SCNN1B: variants seen among roughly 807,000 people sequenced by gnomAD.
SCNN1B encodes the protein sodium channel epithelial 1 subunit beta, also known as epithelial sodium channel subunit beta.
SCNN1B carries 46 observed loss-of-function variants against 65.3 expected under a neutral mutation model. That is an observed-to-expected ratio of 0.70 (90% CI 0.56 to 0.90). SCNN1B has a LOEUF of 0.90. Among genes scored for constraint, SCNN1B ranks in the 40% least tolerant of loss-of-function variants. The probability of loss-of-function intolerance (pLI) is 0.00; values close to 1 mark genes in which losing one functional copy is unlikely to be tolerated. For missense variants in SCNN1B, 751 were observed against 830.5 expected, an observed-to-expected ratio of 0.90 and a Z score of 1.18; for synonymous variants, 349 against 330.6, an observed-to-expected ratio of 1.06 and a Z score of -0.60.
rs190134211 is a variant in SCNN1B, at chr16:23,338,994, G to A, written c.-8-9598G>A. 4.7e-4 allele frequency among the ~76,000 whole-genome samples: 72 copies of A among 152,226 alleles called. 1 individual carries two copies. Among genetic ancestry groups the A allele is most frequent in the Admixed American group, 4.6e-4 (7 of 15,300 alleles). ...ATTCAAGATCTAGAATATTCTCATC[G>A]TCTCCAAAAGGCTCCCTGTACAACT... On this transcript the variant is annotated intron_variant, in intron 1 of 12. Transcript: ENST00000343070.
chr16:23,278,948 T>C (rs1376634669), intron 1 of SCNN1B, among the ~76,000 whole-genome samples: 1 of 141,666 alleles, frequency 7.1e-6, no homozygotes, highest in Non-Finnish European at 1.5e-5. Flanking sequence ...TCTAAAAAAA[T>C]AAAAAATGAA....
intron 8 of SCNN1B, among the ~76,000 whole-genome samples, chr16:23,376,154 C>G (rs1321149895): frequency 6.6e-6 from 1 of 152,234 alleles, no homozygotes; most frequent in East Asian, 1.9e-4. Context: ...CATGTGCAAC[C>G]CTGGGCATGT....
At chr16:23,280,776 C>A (rs1381852616) in intron 1 of SCNN1B, among the ~76,000 whole-genome samples, 1 of 152,138 alleles carries the variant, frequency 6.6e-6, no homozygotes, top group Non-Finnish European at 1.5e-5. Context: ...CCTCACCAGC[C>A]CCTAGCACAG....
upstream of SCNN1B, among the ~76,000 whole-genome samples, chr16:23,300,327 A>T (rs924253754): frequency 6.6e-6 from 1 of 152,040 alleles, no homozygotes; most frequent in Non-Finnish European, 1.5e-5. Context: ...GTATCCCAGA[A>T]CTTAAAGTAT....
chr16:23,298,189 T>C (rs568861368), upstream of SCNN1B, among the ~76,000 whole-genome samples: 2 of 152,352 alleles, frequency 1.3e-5, no homozygotes, highest in South Asian at 4.1e-4. Context: ...TGAATTCATC[T>C]GACTGTGCCA....
chr16:23,371,838 C>T lies in SCNN1B; in HGVS notation c.1107C>T (p.Pro369=), dbSNP rs761974708. The change falls in exon 7 of 13, where the codon CCC becomes CCT. Residue 369 remains proline (P), a synonymous_variant. Transcript: ENST00000343070. ...SPCTVNGSEV[P]VQNFYSDYNT... ...GCACCGTGAATGGTTCTGAGGTCCC[C>T]GTCCAAAACTTCTACAGTGACTACA... 6.5e-5 allele frequency: 105 copies of T among 1,614,060 alleles called. No homozygotes were observed. The highest frequency in any genetic ancestry group is 8.2e-5 in the Non-Finnish European group (97 of 1,179,996).
At chr16:23,346,656 TTGCAGGCTCCCTCCCCACCCC>T (rs576016331) in intron 1 of SCNN1B, among the ~76,000 whole-genome samples, 8,215 of 143,364 alleles carry the variant, frequency 0.057, 249 homozygotes, top group Middle Eastern at 0.077. Context: ...CTGCTCACCC[TTGCAGGCTCCCTCCCCACCCC>T]TGCAGGCTCC....
intron 4 of SCNN1B, among the ~76,000 whole-genome samples, chr16:23,365,517 GAAAAA>G (rs1342821407): frequency 7.4e-6 from 1 of 134,566 alleles, no homozygotes; most frequent in Non-Finnish European, 1.6e-5. Context: ...AGAAAGAAAA[GAAAAA>G]GAGAGAAAGA....
At chr16:23,310,600 C>T (rs1961320666) in intron 1 of SCNN1B, among the ~76,000 whole-genome samples, 1 of 152,132 alleles carries the variant, frequency 6.6e-6, no homozygotes, top group South Asian at 2.1e-4. Flanking sequence ...TGGCTTGTGC[C>T]TGGGAGTTGG....
At chr16:23,304,517 G>A (rs58237139) in intron 1 of SCNN1B, among the ~76,000 whole-genome samples, 9,140 of 152,224 alleles carry the variant, frequency 0.06, 943 homozygotes, top group African/African-American at 0.21. Flanking sequence ...AGGTTCCATC[G>A]GGGCCACCTC....
Position 23,348,497 on chromosome 16 carries a change from G to T in SCNN1B, c.-8-95G>T, listed in dbSNP as rs1276680065. On this transcript the variant is annotated intron_variant, in intron 1 of 12. Coordinates refer to ENST00000343070, the MANE Select transcript of SCNN1B (RefSeq NM_000336.3). This position sits in a 1 kb window ranked among gnomAD's most constrained non-coding sequence, Gnocchi z 4.5. Reference sequence around the variant, plus strand: ...GAGGGTAAAGAGGGAGGAAGAACGGGGACGTACCGCCGCCCAGTTCCTGGA... The same window carrying T: ...GAGGGTAAAGAGGGAGGAAGAACGGTGACGTACCGCCGCCCAGTTCCTGGA... 1.8e-6 allele frequency: 2 copies of T among 1,136,518 alleles called. No homozygotes were observed. Among genetic ancestry groups the T allele is most frequent in the South Asian group, 1.3e-5 (1 of 74,140 alleles). The allele number at this position is 1,136,518 out of a possible 1,614,324, so 70.4% of individuals were successfully genotyped here.
intron 3 of SCNN1B, among the ~76,000 whole-genome samples, chr16:23,354,255 T>C (rs1962371452): frequency 6.6e-6 from 1 of 152,232 alleles, no homozygotes; most frequent in African/African-American, 2.4e-5. Context: ...AATGGGATTA[T>C]AGATGTAAGA....
chr16:23,305,580 TATA>T (rs1567290513), intron 1 of SCNN1B, among the ~76,000 whole-genome samples: 1,620 of 28,264 alleles, frequency 0.057, 124 homozygotes, highest in African/African-American at 0.38. Flanking sequence ...ATATATATTA[TATA>T]TATATATATA....
rs1567313760 is a variant in SCNN1B, at chr16:23,365,618, A to AGAGAGAGAGAGAG, written c.777-2238_777-2237insGAGAGAGAGAGAG. Reference sequence around the variant, plus strand: ...GAAAGAAAGAAAGAAAGAAAGAAAGAAAAAAGAAAGAAGTCACATCTTGGA... The same window carrying AGAGAGAGAGAGAG: ...GAAAGAAAGAAAGAAAGAAAGAAAGAGAGAGAGAGAGAGAAAAAGAAAGAAGTCACATCTTGGA... On this transcript the variant is annotated intron_variant, in intron 4 of 12. Coordinates refer to ENST00000343070, the MANE Select transcript of SCNN1B (RefSeq NM_000336.3). 1.0e-3 allele frequency among the ~76,000 whole-genome samples: 66 copies of AGAGAGAGAGAGAG among 64,638 alleles called. No individual in the cohort carries two copies. In the South Asian group the frequency reaches 0.011, roughly 11 times the overall value. The allele number at this position is 64,638 out of a possible 152,430, so 42.4% of individuals were successfully genotyped here.
intron 1 of SCNN1B, among the ~76,000 whole-genome samples, chr16:23,282,443 G>A (rs7194630): frequency 0.2 from 30,641 of 152,120 alleles, 7,764 homozygotes; most frequent in African/African-American, 0.6. Flanking sequence ...AGAGAGATTA[G>A]GTAACTTGCC....
intron 1 of SCNN1B, among the ~76,000 whole-genome samples, chr16:23,335,722 T>C (rs171199): frequency 0.43 from 64,459 of 151,626 alleles, 15,769 homozygotes; most frequent in African/African-American, 0.68. Flanking sequence ...GCTGGGATTA[T>C]AGGTGTGAGC....
intron 1 of SCNN1B, among the ~76,000 whole-genome samples, chr16:23,345,067 C>T (rs1224860603): frequency 1.3e-5 from 2 of 151,984 alleles, no homozygotes; most frequent in Non-Finnish European, 2.9e-5. Context: ...CATGCTTTGG[C>T]CAAGACTCCT....
chr16:23,336,439 T>C (rs2142005486), intron 1 of SCNN1B, among the ~76,000 whole-genome samples: 1 of 150,876 alleles, frequency 6.6e-6, no homozygotes, highest in South Asian at 2.1e-4. Context: ...GGGCACGATC[T>C]CGGCTCACTG....
chr16:23,323,202 A>T (rs542899592), intron 1 of SCNN1B, among the ~76,000 whole-genome samples: 119 of 138,044 alleles, frequency 8.6e-4, no homozygotes, highest in African/African-American at 3.3e-3. Flanking sequence ...CCATCTCAAT[A>T]AAAAAAAAAA....
Sources: gnomAD v4.1 joint callset for allele counts (sites outside exome capture counted in the v4.1 genomes callset) on GRCh38, gnomAD v4.1.1 for gene constraint, Gnocchi (gnomAD v3.1) non-coding constraint, MANE v1.5 for transcripts, NCBI Gene and HGNC (gene_info 2026-07-23, HGNC 2026-07-21) for gene names.